The following DAB1 variants were observed in gnomAD, a reference collection of about 807,000 sequenced individuals.
DAB1 encodes disabled homolog 1.
Under a neutral mutation model 64.6 loss-of-function variants are expected in DAB1, and 15 were observed. The observed-to-expected ratio is 0.23, with a 90% CI of 0.16 to 0.36. DAB1 has a LOEUF of 0.36. Ranked by LOEUF, DAB1 falls within the 10% of genes least tolerant of loss-of-function variation. The pLI is 1.00. For synonymous variants in DAB1, 235 were observed against 251.9 expected (o/e 0.93, Z 0.64); for missense variants, 596 against 706.7 (o/e 0.84, Z 1.78).
At chr1:58,027,733 G>A (rs1646914869) in intron 5 of DAB1, among the ~76,000 whole-genome samples, 1 of 152,056 alleles carries the variant, frequency 6.6e-6, no homozygotes, top group African/African-American at 2.4e-5. Flanking sequence ...TATCTTACAG[G>A]ATCATTGCAT....
At chr1:57,374,961 C>G (rs1223577238) in intron 1 of DAB1, among the ~76,000 whole-genome samples, 6 of 152,146 alleles carry the variant, frequency 3.9e-5, no homozygotes, top group Non-Finnish European at 8.8e-5. Context: ...GCTGGTCCTG[C>G]TATGACCTGC....
intron 5 of DAB1, among the ~76,000 whole-genome samples, chr1:58,051,265 T>C (rs1347056417): frequency 6.6e-6 from 1 of 151,950 alleles, no homozygotes; most frequent in Non-Finnish European, 1.5e-5. Flanking sequence ...GATCTCATTG[T>C]TCAAGTCCCA....
intron 2 of DAB1, among the ~76,000 whole-genome samples, chr1:57,215,889 G>A (rs546922538): frequency 4.6e-5 from 7 of 152,288 alleles, no homozygotes; most frequent in East Asian, 3.9e-4. Context: ...GGCCTGGGGG[G>A]ACACAGCCTC....
At chr1:57,642,402 A>G (rs1328642789) in intron 7 of DAB1, among the ~76,000 whole-genome samples, 2 of 152,140 alleles carry the variant, frequency 1.3e-5, no homozygotes, top group Non-Finnish European at 2.9e-5. Context: ...TGTGTTGACC[A>G]GGTGCCCTGG....
intron 2 of DAB1, among the ~76,000 whole-genome samples, chr1:57,288,264 ATATC>A (rs1218171250): frequency 6.6e-6 from 1 of 152,236 alleles, no homozygotes; most frequent in Admixed American, 6.5e-5. Context: ...ATAAGCAAAA[ATATC>A]TATGCGATGG....
At chr1:57,220,004 T>A (rs1666734256) in intron 2 of DAB1, among the ~76,000 whole-genome samples, 1 of 152,172 alleles carries the variant, frequency 6.6e-6, no homozygotes, top group African/African-American at 2.4e-5. Flanking sequence ...AACTAATACA[T>A]TAGACTACAA....
chr1:58,405,364 A>G (rs1468425279), intron 3 of DAB1, among the ~76,000 whole-genome samples: 1 of 151,718 alleles, frequency 6.6e-6, no homozygotes, highest in Non-Finnish European at 1.5e-5. Context: ...TAACCTATAA[A>G]TCTATTCTGT....
intron 5 of DAB1, among the ~76,000 whole-genome samples, chr1:57,936,622 C>T (rs1044556607): frequency 2.6e-5 from 4 of 152,034 alleles, no homozygotes; most frequent in African/African-American, 7.2e-5. Flanking sequence ...TGGCTGGTCT[C>T]GAACTCTTGA....
intron 6 of DAB1, among the ~76,000 whole-genome samples, chr1:57,793,192 C>T (rs1337205499): frequency 6.6e-6 from 1 of 152,156 alleles, no homozygotes; most frequent in African/African-American, 2.4e-5. Flanking sequence ...CTCTAGTAGG[C>T]AGAGAAAATA....
At chr1:57,924,372 G>GAATT (rs1316907821) in intron 5 of DAB1, among the ~76,000 whole-genome samples, 2 of 152,188 alleles carry the variant, frequency 1.3e-5, no homozygotes, top group East Asian at 3.8e-4. Flanking sequence ...TACTGATTAA[G>GAATT]AATTCCAACT....
chr1:57,244,906 G>A lies in DAB1; in HGVS notation c.67+46058C>T, dbSNP rs113149621. Among the ~76,000 whole-genome samples the A allele has an allele frequency of 5.3e-5, 8 of 152,254 alleles. No homozygotes were observed. In the East Asian group the frequency reaches 7.7e-4, roughly 15 times the overall value. ...TGTGTCCTTACCCAAATCTCATGTC[G>A]AATTGTAATCCCCATGTGTCAGGGG... On this transcript the variant is annotated intron_variant, in intron 2 of 14. Coordinates refer to ENST00000371236, the MANE Select transcript of DAB1 (RefSeq NM_001365792.1).
chr1:58,193,513 A>C (rs1412955668), intron 4 of DAB1, among the ~76,000 whole-genome samples: 1 of 152,212 alleles, frequency 6.6e-6, no homozygotes, highest in African/African-American at 2.4e-5. Flanking sequence ...TTATCCTCAC[A>C]ACAATTCTAT....
chr1:58,175,382 C>A (rs1054960014), intron 4 of DAB1, among the ~76,000 whole-genome samples: 2 of 152,160 alleles, frequency 1.3e-5, no homozygotes, highest in African/African-American at 4.8e-5. Context: ...GGACACACCA[C>A]CTTTAAGAAC....
At chr1:58,023,916 G>A (rs1374482913) in intron 5 of DAB1, among the ~76,000 whole-genome samples, 3 of 150,864 alleles carry the variant, frequency 2.0e-5, no homozygotes, top group South Asian at 4.3e-4. Flanking sequence ...CCAAAAGCTG[G>A]ACCTCCAAAG....
At chr1:57,860,062 C>A (rs1157064326) in intron 1 of DAB1, among the ~76,000 whole-genome samples, 3 of 152,036 alleles carry the variant, frequency 2.0e-5, no homozygotes, top group Non-Finnish European at 4.4e-5. Context: ...GGAAAATAAA[C>A]CAAAGAGAGG....
rs1419638993 is a variant in DAB1 at position 57,740,841 on chromosome 1, C to A, written n.552-91176G>T. ...TCCCCTTTTGTGTGGATTTTATGTG[C>A]AAATGTGTCAGTATAGACAAAGTAC... On this transcript the variant is annotated intron_variant and non_coding_transcript_variant, in intron 6 of 20. Transcript: ENST00000485760. 3.9e-5 allele frequency among the ~76,000 whole-genome samples: 6 copies of A among 152,018 alleles called. No homozygotes were observed. The South Asian group carries it at 1.2e-3, about 32-fold the overall frequency.
At chr1:58,483,377 C>T (rs1645522241) in intron 3 of DAB1, among the ~76,000 whole-genome samples, 1 of 152,154 alleles carries the variant, frequency 6.6e-6, no homozygotes, top group Non-Finnish European at 1.5e-5. Context: ...GACTTGTAGT[C>T]AGATGCGAGC....
intron 4 of DAB1, among the ~76,000 whole-genome samples, chr1:58,203,926 T>C (rs1238662475): frequency 2.0e-5 from 3 of 152,222 alleles, no homozygotes; most frequent in Non-Finnish European, 4.4e-5. Context: ...TAAATGAATG[T>C]TACATCTTGA....
intron 6 of DAB1, among the ~76,000 whole-genome samples, chr1:57,817,413 G>A (rs1651916168): frequency 1.3e-5 from 2 of 152,196 alleles, no homozygotes; most frequent in African/African-American, 4.8e-5. Context: ...ATGGCCAGCT[G>A]CCCATGAAGG....
Sources: gnomAD v4.1 joint callset for allele counts (sites outside exome capture counted in the v4.1 genomes callset) on GRCh38, gnomAD v4.1.1 for gene constraint, MANE v1.5 for transcripts, NCBI Gene and HGNC (gene_info 2026-07-23, HGNC 2026-07-21) for gene names.